RELCH: variants seen among roughly 807,000 people sequenced by gnomAD.
RELCH encodes the protein RAB11-binding protein RELCH.
RELCH carries 41 observed loss-of-function variants against 150.3 expected under a neutral mutation model. The observed-to-expected ratio is 0.27, with a 90% CI of 0.21 to 0.35. The LOEUF (loss-of-function observed/expected upper bound fraction) is 0.35, where lower values mean the gene tolerates loss of function less well. Ranked by LOEUF, RELCH falls within the 10% of genes least tolerant of loss-of-function variation. The probability of loss-of-function intolerance (pLI) is 1.00; values close to 1 mark genes in which losing one functional copy is unlikely to be tolerated. For synonymous variants in RELCH, 478 were observed against 531.8 expected, an observed-to-expected ratio of 0.90 and a Z score of 1.39; for missense variants, 1,092 against 1,467.8, an observed-to-expected ratio of 0.74 and a Z score of 4.18.
intron 1 of RELCH, among the ~76,000 whole-genome samples, chr18:62,201,173 C>T (rs1180509493): frequency 2.6e-5 from 4 of 151,754 alleles, no homozygotes; most frequent in Non-Finnish European, 1.5e-5. Context: ...CGGAGTTTCA[C>T]CGTTTCAGCC....
intron 22 of RELCH, among the ~76,000 whole-genome samples, chr18:62,276,650 A>T (rs1045391618): frequency 2.0e-5 from 3 of 152,118 alleles, no homozygotes; most frequent in Non-Finnish European, 2.9e-5. Context: ...GCAATTGGAG[A>T]TGGGGTACTG....
At chr18:62,283,811 A>G (rs565396927) in intron 25 of RELCH, among the ~76,000 whole-genome samples, 1 of 152,314 alleles carries the variant, frequency 6.6e-6, no homozygotes, top group African/African-American at 2.4e-5. Flanking sequence ...CTCTGAGGCA[A>G]GGAGACCAAC....
chr18:62,222,766 T>G (rs1477163870), intron 5 of RELCH, among the ~76,000 whole-genome samples: 1 of 152,018 alleles, frequency 6.6e-6, no homozygotes, highest in African/African-American at 2.4e-5. Flanking sequence ...CAACAGTGAA[T>G]ACATACTCTT....
intron 1 of RELCH, among the ~76,000 whole-genome samples, chr18:62,196,522 G>A (rs1056301273): frequency 3.3e-5 from 5 of 152,144 alleles, no homozygotes; most frequent in African/African-American, 4.8e-5. Context: ...GAGCCACTGC[G>A]CCCGGCCCCA....
intron 27 of RELCH, among the ~76,000 whole-genome samples, chr18:62,292,572 T>C (rs1012415019): frequency 3.3e-5 from 5 of 152,200 alleles, no homozygotes; most frequent in Admixed American, 2.0e-4. Context: ...TAGAACTTCA[T>C]GGCTCACTGC....
chr18:62,309,253 T>A lies in RELCH; in HGVS notation c.*3719T>A, dbSNP rs1302968644. ...ACATCTCAAAAAAAAAAAATAATAA[T>A]AGAGACAAACTACTAATCAAAAATA... On this transcript the variant is annotated 3_prime_UTR_variant, in exon 29 of 29. Coordinates refer to ENST00000644646, the MANE Select transcript of RELCH (RefSeq NM_001346231.2). 3.7e-5 allele frequency: 5 copies of A among 133,972 alleles called. No homozygotes were observed. Among genetic ancestry groups the A allele is most frequent in the East Asian group, 2.3e-4 (1 of 4,304 alleles). 8.3% of individuals were successfully genotyped at this position (133,972 alleles called of 1,614,324 possible).
intron 1 of RELCH, 105 bp downstream of exon 1, chr18:62,188,136 T>A: frequency 7.7e-7 from 1 of 1,305,308 alleles, no homozygotes; most frequent in Non-Finnish European, 1.0e-6. Flanking sequence ...AGGGACATTT[T>A]AAGGAACGAG....
intron 1 of RELCH, among the ~76,000 whole-genome samples, chr18:62,190,615 A>G (rs565805695): frequency 6.6e-5 from 10 of 152,226 alleles, no homozygotes; most frequent in Middle Eastern, 3.4e-3. Flanking sequence ...AAAATAAAAT[A>G]CAGAACATTT....
intron 1 of RELCH, among the ~76,000 whole-genome samples, chr18:62,203,964 G>GT (rs984145706): frequency 6.6e-6 from 1 of 152,030 alleles, no homozygotes; most frequent in African/African-American, 2.4e-5. Flanking sequence ...CAGTGACAGG[G>GT]TAAGAGCCTA....
In RELCH at chr18:62,267,454, G is replaced by T. The variant is rs142083454; in HGVS notation, c.2680+705G>T. Among the ~76,000 whole-genome samples the T allele has an allele frequency of 1.7e-3, 258 of 147,574 alleles. 1 individual carries two copies. Among genetic ancestry groups the T allele is most frequent in the African/African-American group, 6.2e-3 (249 of 39,988 alleles). ...TATGTATGTGTGTGTGTGTGTGTGT[G>T]TATAGAATATATATATAGTCTAGGT... On this transcript the variant is annotated intron_variant, in intron 19 of 28. Transcript: ENST00000644646.
At chr18:62,199,568 C>G (rs1302206899) in intron 1 of RELCH, among the ~76,000 whole-genome samples, 2 of 152,154 alleles carry the variant, frequency 1.3e-5, no homozygotes, top group African/African-American at 2.4e-5. Context: ...GTTTCCTAAA[C>G]ATTTATAAGT....
intron 13 of RELCH, among the ~76,000 whole-genome samples, chr18:62,257,209 T>C (rs2144639256): frequency 6.6e-6 from 1 of 152,080 alleles, no homozygotes; most frequent in East Asian, 1.9e-4. Context: ...TGTATATTGG[T>C]AGCTCTTTAT....
chr18:62,216,990 G>A (rs2148345443), intron 2 of RELCH, among the ~76,000 whole-genome samples: 1 of 152,018 alleles, frequency 6.6e-6, no homozygotes, highest in South Asian at 2.1e-4. Context: ...GCTCCAACAA[G>A]GCTGTAAAGA....
rs2041348226 is a variant in RELCH at position 62,228,437 on chromosome 18, C to G, written c.1287C>G (p.Asp429Glu). The part of the protein sequence containing the change: ...SGQHPDVNSS[D>E]KGKNTDIHLS... ...AGCATCCAGATGTAAATAGTTCAGA[C>G]AAGGGAAAAAACACAGACATCCATC... is the stretch of plus-strand genomic sequence containing the variant. Residue 429 changes from aspartate to glutamate, a missense_variant, in exon 8 of 29, where the codon GAC becomes GAG. Asp to Glu is a conservative substitution (Grantham distance 45). Coordinates refer to ENST00000644646, the MANE Select transcript of RELCH (RefSeq NM_001346231.2). 1 of 1,613,272 alleles carries G rather than the reference C, an allele frequency of 6.2e-7. No homozygotes were observed. Among genetic ancestry groups the G allele is most frequent in the Non-Finnish European group, 8.5e-7 (1 of 1,179,562 alleles).
chr18:62,281,086 G>GCCTTAAACAAAACAAAACAGAACAA (rs2044490430), intron 24 of RELCH, among the ~76,000 whole-genome samples: 1 of 152,118 alleles, frequency 6.6e-6, no homozygotes. Flanking sequence ...GCTGCTAAAA[G>GCCTTAAACAAAACAAAACAGAACAA]CCTTAAACAA....
intron 28 of RELCH, among the ~76,000 whole-genome samples, chr18:62,302,546 A>G (rs537873484): frequency 1.3e-5 from 2 of 152,222 alleles, no homozygotes; most frequent in African/African-American, 2.4e-5. Flanking sequence ...TTCAAGATAG[A>G]GTCTCACTCT....
At position 62,188,015 on chromosome 18, in the gene RELCH, G is replaced by C; in HGVS notation, c.510G>C (p.Ser170=). The change falls in exon 1 of 29, where the codon TCG becomes TCC. Residue 170 remains serine (S), a synonymous_variant. Coordinates refer to ENST00000644646, the MANE Select transcript of RELCH (RefSeq NM_001346231.2). ...GAGGREPSTA[S]GGGQLNRAGS... ...GAGGTCGGGAACCGAGTACAGCGTC[G>C]GGCGGGGGACAGCTCAGTAAGTGGA... The C allele has an allele frequency of 1.3e-6, 2 of 1,580,088 alleles. No homozygotes were observed. Among genetic ancestry groups the C allele is most frequent in the Non-Finnish European group, 8.6e-7 (1 of 1,163,412 alleles).
intron 5 of RELCH, among the ~76,000 whole-genome samples, chr18:62,223,420 T>A (rs2041009163): frequency 6.6e-6 from 1 of 152,082 alleles, no homozygotes; most frequent in Non-Finnish European, 1.5e-5. Context: ...GGCTTTATAT[T>A]TATTAAAGAA....
At chr18:62,234,437 T>C (rs758128486) in intron 10 of RELCH, among the ~76,000 whole-genome samples, 8 of 151,816 alleles carry the variant, frequency 5.3e-5, no homozygotes, top group Non-Finnish European at 1.2e-4. Flanking sequence ...TCTACATTTT[T>C]ATAAAACTCC....
Sources: gnomAD v4.1 joint callset for allele counts (sites outside exome capture counted in the v4.1 genomes callset) on GRCh38, gnomAD v4.1.1 for gene constraint, MANE v1.5 for transcripts, NCBI Gene and HGNC (gene_info 2026-07-23, HGNC 2026-07-21) for gene names.